LRRC37A2: variants seen among roughly 807,000 people sequenced by gnomAD.
LRRC37A2 encodes leucine-rich repeat-containing protein 37A2.
Under a neutral mutation model 68.8 loss-of-function variants are expected in LRRC37A2, and 9 were observed. That is an observed-to-expected ratio of 0.13 (90% CI 0.08 to 0.23). The LOEUF (loss-of-function observed/expected upper bound fraction) is 0.23. LRRC37A2 is among the 10% of genes least tolerant of loss of function. LRRC37A2 has a pLI of 1.00. For synonymous variants in LRRC37A2, 63 were observed against 367.6 expected (o/e 0.17, Z 9.48); for missense variants, 168 against 950.4 (o/e 0.18, Z 10.82).
chr17:46,710,536 C>T, the LRRC37A2 span, among the ~76,000 whole-genome samples: 2 of 152,188 alleles, frequency 1.3e-5, no homozygotes, highest in Non-Finnish European at 2.9e-5. Context: ...TTCGTATTCT[C>T]ATGTTAATCC....
chr17:47,000,106 TA>T, the LRRC37A2 span, among the ~76,000 whole-genome samples: 1 of 133,906 alleles, frequency 7.5e-6, no homozygotes, highest in East Asian at 3.8e-4. Flanking sequence ...TAAAATAAAA[TA>T]AAATAAAATA....
chr17:46,492,661 G>A, the LRRC37A2 span, among the ~76,000 whole-genome samples: 2 of 148,854 alleles, frequency 1.3e-5, no homozygotes, highest in African/African-American at 5.1e-5. Context: ...ATCCTCCCTA[G>A]CACTTGATAT....
At chr17:47,008,626 T>G in the LRRC37A2 span, among the ~76,000 whole-genome samples, 1 of 151,762 alleles carries the variant, frequency 6.6e-6, no homozygotes, top group Non-Finnish European at 1.5e-5. Context: ...CTGGCTAGTT[T>G]TTTTTTTTGT....
the LRRC37A2 span, among the ~76,000 whole-genome samples, chr17:47,038,140 C>T: frequency 6.6e-6 from 1 of 150,568 alleles, no homozygotes; most frequent in South Asian, 2.1e-4. Context: ...CTTATCTCTA[C>T]AAAAAAAAAT....
At chr17:46,902,639 T>A in the LRRC37A2 span, among the ~76,000 whole-genome samples, 1 of 152,152 alleles carries the variant, frequency 6.6e-6, no homozygotes, top group Admixed American at 6.5e-5. Context: ...TGGGGGTTGC[T>A]GAGAAAGCCA....
At chr17:46,884,956 C>T in the LRRC37A2 span, 1 of 399,698 alleles carries the variant, frequency 2.5e-6, no homozygotes, top group South Asian at 1.8e-5. Context: ...TCCTGCAACC[C>T]ATCAAATAGT....
the LRRC37A2 span, chr17:46,872,484 G>A: frequency 1.4e-6 from 2 of 1,459,046 alleles, no homozygotes; most frequent in Non-Finnish European, 1.8e-6. Context: ...CATCCCCAAG[G>A]CTCACCTGTC....
chr17:46,834,160 A>T, the LRRC37A2 span, among the ~76,000 whole-genome samples: 1 of 152,260 alleles, frequency 6.6e-6, no homozygotes, highest in African/African-American at 2.4e-5. Flanking sequence ...GCACCACTAC[A>T]CTCCAGCCTG....
At chr17:46,934,741 C>G in the LRRC37A2 span, among the ~76,000 whole-genome samples, 218 of 152,320 alleles carry the variant, frequency 1.4e-3, 1 homozygote, top group Middle Eastern at 6.8e-3. Context: ...GAAGGAATAG[C>G]TTTTCCTAAG....
At chr17:46,852,739 T>C in the LRRC37A2 span, among the ~76,000 whole-genome samples, 3 of 151,980 alleles carry the variant, frequency 2.0e-5, no homozygotes, top group African/African-American at 4.8e-5. Flanking sequence ...CCCAAATCAA[T>C]AGGAGGCTTA....
the LRRC37A2 span, among the ~76,000 whole-genome samples, chr17:46,810,006 T>TTC: frequency 5.6e-5 from 8 of 141,948 alleles, no homozygotes; most frequent in African/African-American, 2.1e-4. Flanking sequence ...CTTTCTTTCT[T>TTC]TTTTTTTTTT....
the LRRC37A2 span, among the ~76,000 whole-genome samples, chr17:47,008,211 T>A: frequency 5.3e-5 from 8 of 151,266 alleles, no homozygotes; most frequent in South Asian, 1.7e-3. Flanking sequence ...CCTGGGTTCA[T>A]GCCATTCTCC....
chr17:47,030,088 A>AATAATAATC, the LRRC37A2 span, among the ~76,000 whole-genome samples: 1 of 107,140 alleles, frequency 9.3e-6, no homozygotes. Context: ...TAATAATAAT[A>AATAATAATC]ATCATCATCA....
chr17:47,002,557 A>AT, the LRRC37A2 span, among the ~76,000 whole-genome samples: 3 of 151,854 alleles, frequency 2.0e-5, no homozygotes, highest in African/African-American at 7.3e-5. Context: ...GGCCCAGCTA[A>AT]TTTTGTATTT....
At chr17:46,673,371 CTATT>C in the LRRC37A2 span, among the ~76,000 whole-genome samples, 1 of 67,818 alleles carries the variant, frequency 1.5e-5, no homozygotes, top group South Asian at 5.4e-4. Flanking sequence ...TGGCGACACA[CTATT>C]TATATTGCAT....
chr17:46,405,921 T>G, the LRRC37A2 span, among the ~76,000 whole-genome samples: 21 of 148,626 alleles, frequency 1.4e-4, no homozygotes, highest in Admixed American at 4.0e-4. Context: ...AAAGGCTGTT[T>G]TTTTTTTTTT....
the LRRC37A2 span, among the ~76,000 whole-genome samples, chr17:46,754,057 A>G: frequency 6.6e-6 from 1 of 152,012 alleles, no homozygotes; most frequent in African/African-American, 2.4e-5. Context: ...CCATAGCTAC[A>G]GGCAAGTCAG....
the LRRC37A2 span, among the ~76,000 whole-genome samples, chr17:46,816,119 A>ACACACACACACACACGCACG: frequency 1.5e-3 from 229 of 150,666 alleles, 2 homozygotes; most frequent in East Asian, 3.4e-3. Context: ...ACGTACACAC[A>ACACACACACACACACGCACG]CACACACACA....
At chr17:46,889,526 G>A in the LRRC37A2 span, among the ~76,000 whole-genome samples, 1 of 152,198 alleles carries the variant, frequency 6.6e-6, no homozygotes, top group Non-Finnish European at 1.5e-5. Context: ...GCCCCCAGTT[G>A]GCTAAATGGA....
Sources: allele counts gnomAD v4.1 joint callset (sites outside exome capture counted in the v4.1 genomes callset), GRCh38; gene constraint gnomAD v4.1.1; transcripts MANE v1.5; gene names NCBI Gene and HGNC (gene_info 2026-07-23, HGNC 2026-07-21).